MLH3: variants seen among roughly 807,000 people sequenced by gnomAD.
MLH3 encodes DNA mismatch repair protein Mlh3.
Under a neutral mutation model 122.2 loss-of-function variants are expected in MLH3, and 82 were observed. The ratio of observed to expected loss-of-function variants is 0.67; its 90% confidence interval spans 0.56 to 0.81. The LOEUF (loss-of-function observed/expected upper bound fraction) is 0.81, where lower values mean the gene tolerates loss of function less well. Among genes scored for constraint, MLH3 ranks in the 30% least tolerant of loss-of-function variants. The probability of loss-of-function intolerance (pLI) is 0.00; values close to 1 mark genes in which losing one functional copy is unlikely to be tolerated. For missense variants in MLH3, 1,539 were observed against 1,714.5 expected (o/e 0.90, Z 1.81); for synonymous variants, 524 against 599.5 (o/e 0.87, Z 1.84).
chr14:75,042,534 T>TA, intron 2 of MLH3, 57 bp from the exon 3 acceptor site: 1 of 1,376,390 alleles, frequency 7.3e-7, no homozygotes, highest in Non-Finnish European at 1.0e-6. Flanking sequence ...GTAAACTCTT[T>TA]AAAAATTTAA....
intron 9 of MLH3, among the ~76,000 whole-genome samples, chr14:75,027,673 A>C (rs1453886427): frequency 5.2e-5 from 7 of 134,366 alleles, no homozygotes; most frequent in African/African-American, 1.7e-4. Flanking sequence ...GTAAAAAAAA[A>C]AAAAAAAAAA....
intron 9 of MLH3, among the ~76,000 whole-genome samples, chr14:75,028,710 A>T (rs1270814305): frequency 6.6e-6 from 1 of 151,430 alleles, no homozygotes; most frequent in Non-Finnish European, 1.5e-5. Context: ...GAGCCACTGC[A>T]CCTGGCCTGA....
At chr14:75,029,501 C>T (rs1048118758) in intron 9 of MLH3, among the ~76,000 whole-genome samples, 1 of 151,944 alleles carries the variant, frequency 6.6e-6, no homozygotes, top group Non-Finnish European at 1.5e-5. Context: ...TGCCCTTCTC[C>T]CCTCTTCTGT....
At position 75,018,865 on chromosome 14, in the gene MLH3, C is replaced by G; in HGVS notation, c.4206G>C (p.Pro1402=). 6.2e-7 allele frequency: 1 copy of G among 1,614,120 alleles called. No individual in the cohort carries two copies. Among genetic ancestry groups the G allele is most frequent in the Non-Finnish European group, 8.5e-7 (1 of 1,180,028 alleles). The change falls in exon 12 of 13, where the codon CCG becomes CCC. Residue 1402 remains proline (P), a synonymous_variant. Transcript: ENST00000355774. The part of the protein sequence containing the change: ...QCAHGRPSML[P]LADIDHLEQE... ...GTTCCAAGTGGTCTATGTCAGCTAA[C>G]GGCAGCATAGAAGGTCTCCCGTGAG...
At chr14:75,037,025 AAAC>A (rs1891463711) in intron 6 of MLH3, among the ~76,000 whole-genome samples, 1 of 151,404 alleles carries the variant, frequency 6.6e-6, no homozygotes, top group Admixed American at 6.6e-5. Flanking sequence ...ACCACCCCAA[AAAC>A]AACATCAAAA....
chr14:75,046,558 T>C lies in MLH3; in HGVS notation c.3098A>G (p.Glu1033Gly), dbSNP rs1892239016. The stretch of plus-strand genomic sequence containing the variant: ...ACAACACGTGTTTGACTCTTCAGTT[T>C]CAGAACAAGCTCTTGCTTTAGATTC... ...SEESKARACS[E>G]TEESNTCCSD... The change falls in exon 2 of 13, where the codon GAA becomes GGA. Residue 1033 changes from glutamate to glycine, a missense_variant. Glu to Gly is a moderately conservative substitution (Grantham distance 98, BLOSUM62 -2). Transcript: ENST00000355774. 6.2e-7 allele frequency: 1 copy of C among 1,614,214 alleles called. No homozygotes were observed. The highest frequency in any genetic ancestry group is 1.6e-4 in the Middle Eastern group (1 of 6,062).
At position 75,030,536 on chromosome 14, in the gene MLH3, G is replaced by T. The variant is rs28757028; in HGVS notation, c.3987+7C>A. The T allele has an allele frequency of 2.8e-3, 4,454 of 1,613,758 alleles. 108 individuals carry two copies. In the East Asian group the frequency reaches 0.061, roughly 22 times the overall value. ...CAATTTCCTTAACATCTGCAGCTGT[G>T]TCTTACCTCCACAATACTCTTGGTC... On this transcript the variant is annotated splice_region_variant and intron_variant, in intron 9 of 12. Coordinates refer to ENST00000355774, the MANE Select transcript of MLH3 (RefSeq NM_001040108.2).
intron 1 of MLH3, among the ~76,000 whole-genome samples, chr14:75,050,379 A>G (rs916158334): frequency 2.0e-5 from 3 of 152,094 alleles, no homozygotes; most frequent in African/African-American, 7.2e-5. Context: ...CTGTTCATGT[A>G]TTACTCTGAT....
In MLH3 at chr14:75,016,700, T is replaced by C. The variant is rs1315017876; in HGVS notation, c.*382A>G. 1.5e-5 allele frequency: 5 copies of C among 332,330 alleles called. No individual in the cohort carries two copies. The highest frequency in any genetic ancestry group is 2.9e-5 in the Non-Finnish European group (5 of 172,634). 20.6% of individuals were successfully genotyped at this position (332,330 alleles called of 1,614,324 possible). On this transcript the variant is annotated 3_prime_UTR_variant, in exon 13 of 13. Coordinates refer to ENST00000355774, the MANE Select transcript of MLH3 (RefSeq NM_001040108.2). ...CCTTGGACTTGAGCATCAGCTGAAT[T>C]AGATACACGCAAATGTGAAGCTTGA...
At chr14:75,017,287 C>A in intron 12 of MLH3, 86 bp from the exon 13 acceptor site, 12 of 1,436,780 alleles carry the variant, frequency 8.4e-6, no homozygotes, top group Non-Finnish European at 8.7e-6. Context: ...ACCTGTAATC[C>A]CAGCACTCTG....
chr14:75,045,685 CA>C (rs1892156776), intron 2 of MLH3, among the ~76,000 whole-genome samples: 1 of 152,130 alleles, frequency 6.6e-6, no homozygotes, highest in African/African-American at 2.4e-5. Context: ...GGGCATTTAA[CA>C]GGAAGGGAAA....
chr14:75,035,062 CAAAAAAAAAA>C (rs36096670), intron 6 of MLH3, among the ~76,000 whole-genome samples: 4 of 40,248 alleles, frequency 9.9e-5, no homozygotes, highest in East Asian at 7.6e-4. Flanking sequence ...GACTCCATCT[CAAAAAAAAAA>C]AAAAAAAAAA....
Position 75,048,822 on chromosome 14 carries a change from T to C in MLH3, c.834A>G (p.Ile278Met), listed in dbSNP as rs2139598033. The change falls in exon 2 of 13, where the codon ATA (isoleucine) becomes ATG (methionine). Residue 278 changes from isoleucine to methionine, a missense_variant. Transcript: ENST00000355774. ...IDFLLRKESI[I>M]CKPKNGPTSR... Reference sequence around the variant, plus strand: ...TGGTGGGACCATTCTTTGGCTTGCATATAATACTTTCTTTCCTTAATAAAA... The same window carrying C: ...TGGTGGGACCATTCTTTGGCTTGCACATAATACTTTCTTTCCTTAATAAAA... The C allele has an allele frequency of 6.2e-7, 1 of 1,614,202 alleles. No homozygotes were observed. The highest frequency in any genetic ancestry group is 1.1e-5 in the South Asian group (1 of 91,080).
At chr14:75,042,837 G>A (rs868143357) in intron 2 of MLH3, among the ~76,000 whole-genome samples, 11 of 151,640 alleles carry the variant, frequency 7.3e-5, no homozygotes, top group African/African-American at 1.9e-4. Context: ...GTACAGTGGC[G>A]TGATCTCGGC....
In MLH3 at chr14:75,016,125, G is replaced by T. The variant is rs424120; in HGVS notation, c.*957C>A. 88,547 of 223,212 alleles carry T rather than the reference G, an allele frequency of 0.4. 18,500 individuals carry two copies. The highest frequency in any genetic ancestry group is 0.48 in the Middle Eastern group (361 of 748). 13.8% of individuals were successfully genotyped at this position (223,212 alleles called of 1,614,324 possible). ...ATGGCATAACAAGCATTTGCAGAACGATCAGTCCTGGTCCCAAGTGATATT... is the reference window on the plus strand; with the variant it reads ...ATGGCATAACAAGCATTTGCAGAACTATCAGTCCTGGTCCCAAGTGATATT... On this transcript the variant is annotated 3_prime_UTR_variant, in exon 13 of 13. Coordinates refer to ENST00000355774, the MANE Select transcript of MLH3 (RefSeq NM_001040108.2).
intron 11 of MLH3, among the ~76,000 whole-genome samples, chr14:75,020,063 A>G (rs1293256257): frequency 6.6e-6 from 1 of 152,236 alleles, no homozygotes; most frequent in East Asian, 1.9e-4. Context: ...AGGTTAAGAA[A>G]GACGTGGCTA....
In MLH3 at chr14:75,032,250, C is replaced by T. The variant is rs556931496; in HGVS notation, c.3716-71G>A. On this transcript the variant is annotated intron_variant, in intron 7 of 12. Transcript: ENST00000355774. Reference sequence around the variant, plus strand: ...TCTAGATTCAGATAAAAATAAAGCACGGCCTTGAGATAATCATTCTAATGC... The same window carrying T: ...TCTAGATTCAGATAAAAATAAAGCATGGCCTTGAGATAATCATTCTAATGC... The T allele has an allele frequency of 4.4e-4, 395 of 903,682 alleles. 7 individuals are homozygous for T. The South Asian group carries it at 4.6e-3, about 11-fold the overall frequency. 56.0% of individuals were successfully genotyped at this position (903,682 alleles called of 1,614,324 possible). A position where few individuals can be genotyped will look rare whatever the true frequency, so the allele number is the denominator to read the frequency against.
intron 6 of MLH3, among the ~76,000 whole-genome samples, chr14:75,035,062 CAAAAAAAA>C (rs36096670): frequency 9.9e-5 from 4 of 40,248 alleles, no homozygotes; most frequent in South Asian, 1.4e-3. Context: ...GACTCCATCT[CAAAAAAAA>C]AAAAAAAAAA....
rs374212925 is a variant in MLH3, at chr14:75,048,766, C to T, written c.890G>A (p.Arg297Gln). 16 of 1,614,074 alleles carry T rather than the reference C, an allele frequency of 9.9e-6. No homozygotes were observed. Among genetic ancestry groups the T allele is most frequent in the South Asian group, 6.6e-5 (6 of 91,050 alleles). ...SRQMNSSLRHRSTPELYGIYV... is the reference protein window; with the variant it reads ...SRQMNSSLRHQSTPELYGIYV... The stretch of plus-strand genomic sequence containing the variant: ...TATGCCATAGAGTTCTGGGGTAGAC[C>T]GGTGCCGAAGACTTGAATTCATTTG... Residue 297 changes from arginine (R) to glutamine (Q), a missense_variant, in exon 2 of 13, where the codon CGG (arginine) becomes CAG (glutamine). By Grantham distance (43) the Arg-to-Gln change is conservative. Coordinates refer to ENST00000355774, the MANE Select transcript of MLH3 (RefSeq NM_001040108.2).
Sources: allele counts gnomAD v4.1 joint callset (sites outside exome capture counted in the v4.1 genomes callset), GRCh38; gene constraint gnomAD v4.1.1; transcripts MANE v1.5; gene names NCBI Gene and HGNC (gene_info 2026-07-23, HGNC 2026-07-21).